PCSK2: variants seen among roughly 807,000 people sequenced by gnomAD.
PCSK2 encodes proprotein convertase subtilisin/kexin type 2, also known as neuroendocrine convertase 2.
A neutral mutation model predicts 69.7 loss-of-function variants in PCSK2; 14 were observed. The ratio of observed to expected loss-of-function variants is 0.20; its 90% CI spans 0.13 to 0.31. The LOEUF (loss-of-function observed/expected upper bound fraction) is 0.31. Among genes scored for constraint, PCSK2 ranks in the 10% least tolerant of loss-of-function variants. The pLI, the probability that PCSK2 is intolerant of heterozygous loss-of-function variation, is 1.00. For missense variants in PCSK2, 544 were observed against 842.5 expected, an observed-to-expected ratio of 0.65 and a Z score of 4.39; for synonymous variants, 307 against 320.7, an observed-to-expected ratio of 0.96 and a Z score of 0.46.
chr20:17,339,411 G>A (rs1312132393), intron 2 of PCSK2, among the ~76,000 whole-genome samples: 5 of 152,160 alleles, frequency 3.3e-5, no homozygotes, highest in Non-Finnish European at 4.4e-5. Context: ...CTCATGATCC[G>A]TCGACATTTC....
chr20:17,308,971 G>T (rs187131574), intron 2 of PCSK2, among the ~76,000 whole-genome samples: 5 of 152,246 alleles, frequency 3.3e-5, no homozygotes, highest in African/African-American at 7.2e-5. Context: ...GAAATCAAAG[G>T]CCAGCCCAGA....
At chr20:17,357,870 G>T (rs1415261581) in intron 2 of PCSK2, among the ~76,000 whole-genome samples, 1 of 151,232 alleles carries the variant, frequency 6.6e-6, no homozygotes, top group Non-Finnish European at 1.5e-5. Flanking sequence ...CTCCGGCCTG[G>T]GCAACAAGAG....
intron 8 of PCSK2, among the ~76,000 whole-genome samples, chr20:17,449,540 G>GTATGTATGTGTATATATATA (rs1568655123): frequency 2.5e-5 from 1 of 40,692 alleles, no homozygotes; most frequent in Non-Finnish European, 5.7e-5. Flanking sequence ...ATATATATAT[G>GTATGTATGTGTATATATATA]TATATTTGAG....
intron 5 of PCSK2, among the ~76,000 whole-genome samples, chr20:17,386,144 G>A (rs2031228322): frequency 6.6e-6 from 1 of 152,044 alleles, no homozygotes; most frequent in East Asian, 1.9e-4. Context: ...TTTTAACTAG[G>A]CTCTCCTAAT....
At chr20:17,276,477 CACAT>C (rs748618236) in intron 2 of PCSK2, among the ~76,000 whole-genome samples, 69 of 149,610 alleles carry the variant, frequency 4.6e-4, no homozygotes, top group Non-Finnish European at 7.9e-4. Flanking sequence ...CACACACACA[CACAT>C]ACCATGTTTA....
At chr20:17,307,632 A>G (rs6136060) in intron 2 of PCSK2, among the ~76,000 whole-genome samples, 19,536 of 152,168 alleles carry the variant, frequency 0.13, 1,919 homozygotes, top group East Asian at 0.53. Flanking sequence ...CCAAGATTGT[A>G]TTGAATCCTC....
At chr20:17,322,702 C>T (rs1349592242) in intron 2 of PCSK2, among the ~76,000 whole-genome samples, 3 of 152,170 alleles carry the variant, frequency 2.0e-5, no homozygotes, top group Non-Finnish European at 4.4e-5. Context: ...CTGCATCTAC[C>T]ACAGGGAAGG....
At chr20:17,408,041 A>G (rs1187233455) in intron 5 of PCSK2, among the ~76,000 whole-genome samples, 1 of 152,216 alleles carries the variant, frequency 6.6e-6, no homozygotes, top group Non-Finnish European at 1.5e-5. Flanking sequence ...TTAGGCTTAC[A>G]AACTCAAGTG....
At chr20:17,312,101 C>A (rs1216788678) in intron 2 of PCSK2, among the ~76,000 whole-genome samples, 1 of 152,182 alleles carries the variant, frequency 6.6e-6, no homozygotes, top group Non-Finnish European at 1.5e-5. Flanking sequence ...ATCAAAGGTT[C>A]TTTACAAAGC....
chr20:17,327,374 G>A (rs1314965887), intron 2 of PCSK2, among the ~76,000 whole-genome samples: 1 of 152,128 alleles, frequency 6.6e-6, no homozygotes. Context: ...AAGTCCTCAG[G>A]ACACAGGACA....
At chr20:17,421,807 TAAAAAAAAAAAAAAA>T (rs56376793) in intron 6 of PCSK2, among the ~76,000 whole-genome samples, 4,567 of 79,054 alleles carry the variant, frequency 0.058, 361 homozygotes, top group African/African-American at 0.22. Context: ...GGAAGAGAGG[TAAAAAAAAAAAAAAA>T]AAAAAAAAAA....
At chr20:17,335,660 C>G (rs1259368195) in intron 2 of PCSK2, among the ~76,000 whole-genome samples, 4 of 151,904 alleles carry the variant, frequency 2.6e-5, no homozygotes, top group African/African-American at 9.7e-5. Context: ...ATCCTTCCCC[C>G]TAAGTCCCCC....
At chr20:17,428,033 A>G (rs1275188746) in intron 6 of PCSK2, among the ~76,000 whole-genome samples, 1 of 152,116 alleles carries the variant, frequency 6.6e-6, no homozygotes, top group Admixed American at 6.5e-5. Flanking sequence ...ATCGTAAGAA[A>G]CCTCTATTTA....
At chr20:17,474,256 A>G (rs2123416178) in intron 11 of PCSK2, among the ~76,000 whole-genome samples, 1 of 152,298 alleles carries the variant, frequency 6.6e-6, no homozygotes, top group South Asian at 2.1e-4. Flanking sequence ...ATAAGAATAC[A>G]TAAAACCCAT....
intron 5 of PCSK2, among the ~76,000 whole-genome samples, chr20:17,381,733 A>G (rs920136768): frequency 2.0e-5 from 3 of 152,198 alleles, no homozygotes; most frequent in Admixed American, 6.5e-5. Context: ...CGTTGAAGCT[A>G]TTCTGGTATG....
chr20:17,443,244 C>G (rs2032632996), intron 8 of PCSK2, among the ~76,000 whole-genome samples: 1 of 152,198 alleles, frequency 6.6e-6, no homozygotes, highest in South Asian at 2.1e-4. Context: ...TTATGCCAGT[C>G]TGCTGTTGAA....
At chr20:17,302,077 G>T (rs1989101940) in intron 2 of PCSK2, among the ~76,000 whole-genome samples, 1 of 152,028 alleles carries the variant, frequency 6.6e-6, no homozygotes, top group Admixed American at 6.6e-5. Context: ...CACACGTTTT[G>T]TCTAACATCT....
intron 2 of PCSK2, among the ~76,000 whole-genome samples, chr20:17,262,467 GA>G (rs11480190): frequency 2.8e-4 from 42 of 149,344 alleles, no homozygotes; most frequent in African/African-American, 7.4e-4. Context: ...TTTTCAAAAC[GA>G]AAAAAAAAAC....
intron 6 of PCSK2, among the ~76,000 whole-genome samples, chr20:17,411,900 G>A (rs988338714): frequency 4.6e-5 from 7 of 152,224 alleles, no homozygotes; most frequent in African/African-American, 1.7e-4. Context: ...GGCAAACAGG[G>A]TCTGGAGTGG....
Sources: gnomAD v4.1 joint callset for allele counts (sites outside exome capture counted in the v4.1 genomes callset) on GRCh38, gnomAD v4.1.1 for gene constraint, MANE v1.5 for transcripts, NCBI Gene and HGNC (gene_info 2026-07-23, HGNC 2026-07-21) for gene names.